TPD52L1: variants seen among roughly 807,000 people sequenced by gnomAD.
TPD52L1 encodes TPD52 like 1, also known as tumor protein D53.
A neutral mutation model predicts 28.7 loss-of-function variants in TPD52L1; 18 were observed. That is an observed-to-expected ratio of 0.63 (90% confidence interval 0.43 to 0.93). TPD52L1 has a LOEUF of 0.93. TPD52L1 is among the 40% of genes least tolerant of loss of function. The pLI, the probability that TPD52L1 is intolerant of heterozygous loss-of-function variation, is 0.00. For synonymous variants in TPD52L1, 75 were observed against 88.8 expected (o/e 0.84, Z 0.88); for missense variants, 203 against 254.8 (o/e 0.80, Z 1.39).
At chr6:125,157,651 C>T (rs1013471082) in intron 1 of TPD52L1, among the ~76,000 whole-genome samples, 8 of 152,182 alleles carry the variant, frequency 5.3e-5, no homozygotes, top group Non-Finnish European at 1.2e-4. Flanking sequence ...ATAAAAACTT[C>T]CTGATCCTTT....
chr6:125,258,938 T>C (rs748581025), intron 6 of TPD52L1, among the ~76,000 whole-genome samples: 18 of 152,246 alleles, frequency 1.2e-4, no homozygotes, highest in Non-Finnish European at 1.6e-4. Context: ...GCAGAATAGC[T>C]GATAATTATG....
chr6:125,160,500 C>T (rs1033796792), intron 1 of TPD52L1, among the ~76,000 whole-genome samples: 1 of 152,158 alleles, frequency 6.6e-6, no homozygotes, highest in African/African-American at 2.4e-5. Flanking sequence ...GTTGGGATTA[C>T]AGTCATGAGC....
intron 4 of TPD52L1, 103 bp downstream of exon 4, chr6:125,248,486 T>C (rs1356124191): frequency 5.2e-6 from 4 of 764,842 alleles, no homozygotes; most frequent in Non-Finnish European, 8.7e-6. Flanking sequence ...TATTTTTTTA[T>C]TTTAATGGAT....
chr6:125,212,169 A>G (rs1794566345), intron 1 of TPD52L1, among the ~76,000 whole-genome samples: 1 of 152,190 alleles, frequency 6.6e-6, no homozygotes. Flanking sequence ...AATAAATATT[A>G]CAGTCTTAAA....
At chr6:125,246,429 A>G (rs533235862) in intron 3 of TPD52L1, among the ~76,000 whole-genome samples, 3 of 152,230 alleles carry the variant, frequency 2.0e-5, no homozygotes, top group Admixed American at 6.5e-5. Flanking sequence ...TCATGATGTG[A>G]GTCTCCACAC....
chr6:125,162,558 C>T (rs183377068), intron 1 of TPD52L1, among the ~76,000 whole-genome samples: 20 of 152,204 alleles, frequency 1.3e-4, no homozygotes, highest in Non-Finnish European at 1.6e-4. Context: ...ATTTGACAAG[C>T]ACATACTATT....
rs1215365757 is a variant in TPD52L1 at position 125,172,525 on chromosome 6, TATA to T, written c.19+18556_19+18558del. Among the ~76,000 whole-genome samples, 24 of 71,158 alleles carry T rather than the reference TATA, an allele frequency of 3.4e-4. 1 individual carries two copies. The highest frequency in any genetic ancestry group is 1.3e-3 in the South Asian group (3 of 2,356). 46.7% of individuals were successfully genotyped at this position (71,158 alleles called of 152,430 possible). A position where few individuals can be genotyped will look rare whatever the true frequency, so the allele number is the denominator to read the frequency against. The stretch of plus-strand genomic sequence containing the variant: ...CCCTCTTTCATGCTATATATATATA[TATA>T]TATATATATATATATATATATATAA... On this transcript the variant is annotated intron_variant, in intron 1 of 6. Coordinates refer to ENST00000534000, the MANE Select transcript of TPD52L1 (RefSeq NM_003287.4).
At chr6:125,158,723 CTTCT>C (rs1454297773) in intron 1 of TPD52L1, among the ~76,000 whole-genome samples, 1 of 152,062 alleles carries the variant, frequency 6.6e-6, no homozygotes, top group Non-Finnish European at 1.5e-5. Flanking sequence ...ACCATTCTTC[CTTCT>C]GTCAAACAGC....
In TPD52L1 at chr6:125,253,746, C is replaced by T. The variant is rs1201076698; in HGVS notation, c.416C>T (p.Pro139Leu). 1.2e-6 allele frequency: 2 copies of T among 1,612,528 alleles called. No individual in the cohort carries two copies. The highest frequency in any genetic ancestry group is 8.5e-7 in the Non-Finnish European group (1 of 1,179,090). The change falls in exon 5 of 7, where the codon CCT (proline) becomes CTT (leucine). Residue 139 changes from proline to leucine, a missense_variant. Coordinates refer to ENST00000534000, the MANE Select transcript of TPD52L1 (RefSeq NM_003287.4). ...SYSIRHSISM[P>L]AMRNSPTFKS... ...TCCATTCGCCATTCCATAAGTATGC[C>T]TGCTATGAGGTAATGTGTGTAAAAT... is the stretch of plus-strand genomic sequence containing the variant.
At chr6:125,255,777 A>G (rs985944942) in intron 5 of TPD52L1, among the ~76,000 whole-genome samples, 2 of 151,538 alleles carry the variant, frequency 1.3e-5, no homozygotes, top group Non-Finnish European at 2.9e-5. Context: ...CAAGTGCCTT[A>G]TTAATTCAAC....
At chr6:125,168,081 A>G (rs1417887722) in intron 1 of TPD52L1, among the ~76,000 whole-genome samples, 2 of 152,184 alleles carry the variant, frequency 1.3e-5, no homozygotes, top group Non-Finnish European at 2.9e-5. Context: ...TACTATCTCA[A>G]ATCTTTCAGT....
intron 6 of TPD52L1, among the ~76,000 whole-genome samples, chr6:125,259,536 C>T (rs968120724): frequency 1.3e-5 from 2 of 152,198 alleles, no homozygotes; most frequent in African/African-American, 4.8e-5. Context: ...CCAAAACAAA[C>T]AAGTAAATGC....
At chr6:125,181,745 G>A (rs529557191) in intron 1 of TPD52L1, among the ~76,000 whole-genome samples, 1 of 152,186 alleles carries the variant, frequency 6.6e-6, no homozygotes, top group Non-Finnish European at 1.5e-5. Flanking sequence ...TGAATATCTA[G>A]GACTTGCCAG....
At position 125,203,847 on chromosome 6, in the gene TPD52L1, C is replaced by T. The variant is rs1022359674; in HGVS notation, c.20-16231C>T. On this transcript the variant is annotated intron_variant, in intron 1 of 6. Transcript: ENST00000534000. ...ACCTGATGTCTTCTATACTTGTTCC[C>T]TTGACCTACTTCTAAAACAGTTTAT... The T allele has an allele frequency of 4.3e-6, 4 of 936,372 alleles. No homozygotes were observed. In the African/African-American group the frequency reaches 7.1e-5, roughly 17 times the overall value. 58.0% of individuals were successfully genotyped at this position (936,372 alleles called of 1,614,324 possible).
At chr6:125,180,084 C>G (rs1396018908) in intron 1 of TPD52L1, among the ~76,000 whole-genome samples, 1 of 152,190 alleles carries the variant, frequency 6.6e-6, no homozygotes, top group African/African-American at 2.4e-5. Flanking sequence ...TGACCTTAAC[C>G]TGTGGCTCTG....
chr6:125,226,090 G>A (rs1582967136), intron 2 of TPD52L1, among the ~76,000 whole-genome samples: 1 of 152,172 alleles, frequency 6.6e-6, no homozygotes, highest in African/African-American at 2.4e-5. Context: ...ACACGTTAAT[G>A]TAATTAAAGA....
intron 1 of TPD52L1, among the ~76,000 whole-genome samples, chr6:125,198,220 A>G (rs962609679): frequency 6.6e-6 from 1 of 152,166 alleles, no homozygotes; most frequent in African/African-American, 2.4e-5. Context: ...AGGCCATCAG[A>G]TACTGGGAGG....
At chr6:125,169,044 T>TTC (rs1382629590) in intron 1 of TPD52L1, among the ~76,000 whole-genome samples, 1 of 151,388 alleles carries the variant, frequency 6.6e-6, no homozygotes, top group African/African-American at 2.4e-5. Flanking sequence ...CCACCTCCCT[T>TTC]TCTCTCTCTC....
intron 6 of TPD52L1, chr6:125,260,977 AAAAG>A (rs1371637055): frequency 2.3e-5 from 1 of 43,822 alleles, no homozygotes; most frequent in South Asian, 9.3e-4. Flanking sequence ...AGAAAGAAAG[AAAAG>A]AAAAGAAAGA....
Sources: gnomAD v4.1 joint callset for allele counts (sites outside exome capture counted in the v4.1 genomes callset) on GRCh38, gnomAD v4.1.1 for gene constraint, MANE v1.5 for transcripts, NCBI Gene and HGNC (gene_info 2026-07-23, HGNC 2026-07-21) for gene names.